NOVA1: variants seen among roughly 807,000 people sequenced by gnomAD.
The protein encoded by NOVA1 is NOVA alternative splicing regulator 1.
NOVA1 carries 7 observed loss-of-function variants against 38.0 expected under a neutral mutation model. The ratio of observed to expected loss-of-function variants is 0.18; its 90% confidence interval spans 0.10 to 0.35. NOVA1 has a LOEUF of 0.35. NOVA1 is among the 10% of genes least tolerant of loss of function. NOVA1 has a pLI of 1.00. For missense variants in NOVA1, 460 were observed against 616.0 expected (o/e 0.75, Z 2.68); for synonymous variants, 270 against 232.5 (o/e 1.16, Z -1.47).
intron 2 of NOVA1, among the ~76,000 whole-genome samples, chr14:26,513,285 G>T (rs1888226079): frequency 6.6e-6 from 1 of 151,748 alleles, no homozygotes. Flanking sequence ...TCAATTTATG[G>T]ATTTTCATTA....
chr14:26,504,364 G>A (rs1353145541), intron 2 of NOVA1, among the ~76,000 whole-genome samples: 2 of 152,132 alleles, frequency 1.3e-5, no homozygotes, highest in Non-Finnish European at 2.9e-5. Flanking sequence ...TGTAAATATA[G>A]AAACCTCAAT....
chr14:26,530,105 G>C (rs914601017), intron 2 of NOVA1, among the ~76,000 whole-genome samples: 12 of 152,186 alleles, frequency 7.9e-5, no homozygotes, highest in African/African-American at 2.2e-4. Context: ...ATTTTTAGCA[G>C]AGACGGGGTT....
intron 4 of NOVA1, among the ~76,000 whole-genome samples, chr14:26,452,779 T>C (rs1167287214): frequency 6.6e-6 from 1 of 152,240 alleles, no homozygotes; most frequent in Non-Finnish European, 1.5e-5. Context: ...GTTATGATTA[T>C]ATTTGCTAGC....
At chr14:26,450,380 A>AC (rs1882560391) in intron 4 of NOVA1, among the ~76,000 whole-genome samples, 1 of 93,500 alleles carries the variant, frequency 1.1e-5, no homozygotes, top group Non-Finnish European at 2.8e-5. Context: ...TTACACATAT[A>AC]ATACACACAC....
intron 2 of NOVA1, among the ~76,000 whole-genome samples, chr14:26,491,759 T>A (rs1886368809): frequency 6.6e-6 from 1 of 152,130 alleles, no homozygotes; most frequent in Non-Finnish European, 1.5e-5. Context: ...TTGGCTATAG[T>A]TATGTGGAAT....
chr14:26,498,318 G>A (rs549240469), intron 2 of NOVA1, among the ~76,000 whole-genome samples: 5 of 151,668 alleles, frequency 3.3e-5, no homozygotes, highest in East Asian at 1.9e-4. Context: ...CGCCCGCCTC[G>A]GCCTCCCAAA....
In NOVA1 at chr14:26,447,559, A is replaced by C. The variant is rs1369158020; in HGVS notation, c.*400T>G. On this transcript the variant is annotated 3_prime_UTR_variant, in exon 5 of 5. Transcript: ENST00000539517. ...CAGGACAGTGCTTTGGCCTCACTCC[A>C]TTTTAGGTCACTGACCCCACCATAC... 1 of 189,140 alleles carries C rather than the reference A, an allele frequency of 5.3e-6. No homozygotes were observed. The highest frequency in any genetic ancestry group is 2.3e-5 in the African/African-American group (1 of 42,584). 11.7% of individuals were successfully genotyped at this position (189,140 alleles called of 1,614,324 possible).
At chr14:26,578,242 G>A (rs1002364556) in intron 2 of NOVA1, among the ~76,000 whole-genome samples, 1 of 152,000 alleles carries the variant, frequency 6.6e-6, no homozygotes, top group East Asian at 1.9e-4. Flanking sequence ...AGCTTCAAAA[G>A]AGAAATGAAA....
chr14:26,478,796 A>G (rs1216233705), intron 3 of NOVA1, among the ~76,000 whole-genome samples: 1 of 151,980 alleles, frequency 6.6e-6, no homozygotes, highest in Non-Finnish European at 1.5e-5. Context: ...ACACTGACAA[A>G]GATTATAATA....
chr14:26,460,379 T>A (rs1276853548), intron 4 of NOVA1, among the ~76,000 whole-genome samples: 1 of 152,008 alleles, frequency 6.6e-6, no homozygotes, highest in African/African-American at 2.4e-5. Context: ...CAAAACTATA[T>A]TCTTTTCATA....
intron 2 of NOVA1, among the ~76,000 whole-genome samples, chr14:26,523,324 C>T (rs74042419): frequency 0.014 from 2,107 of 152,232 alleles, 40 homozygotes; most frequent in African/African-American, 0.046. Flanking sequence ...TATTTTAGTG[C>T]AGCTATAGTG....
rs188546751 is a variant in NOVA1, at chr14:26,484,359, C to A, written c.281-4216G>T. ...GCTGAGGCAGGAGAATGACGCGAAC[C>A]CGTGAGGCGGAGCTTGCAGTGAGCC... On this transcript the variant is annotated intron_variant, in intron 2 of 4. Coordinates refer to ENST00000539517, the MANE Select transcript of NOVA1 (RefSeq NM_002515.3). Among the ~76,000 whole-genome samples, 406 of 132,582 alleles carry A rather than the reference C, an allele frequency of 3.1e-3. 3 individuals are homozygous for A. The highest frequency in any genetic ancestry group is 0.01 in the African/African-American group (379 of 36,854). The allele number at this position is 132,582 out of a possible 152,430, so 87.0% of individuals were successfully genotyped here.
At chr14:26,451,615 C>T (rs968507085) in intron 4 of NOVA1, among the ~76,000 whole-genome samples, 5 of 152,064 alleles carry the variant, frequency 3.3e-5, no homozygotes, top group African/African-American at 4.8e-5. Context: ...TCAGGTGATC[C>T]GCCTGCCTCG....
chr14:26,581,448 T>A lies in NOVA1; in HGVS notation c.280+13962A>T, dbSNP rs550113654. 1.1e-4 allele frequency among the ~76,000 whole-genome samples: 16 copies of A among 152,112 alleles called. 1 individual carries two copies. The South Asian group carries it at 2.7e-3, about 26-fold the overall frequency. ...ACAGGGCCAAATGAAGGCAATTGAATCATTTCATGTAAACAATCTCAAAGT... is the reference window on the plus strand; with the variant it reads ...ACAGGGCCAAATGAAGGCAATTGAAACATTTCATGTAAACAATCTCAAAGT... On this transcript the variant is annotated intron_variant, in intron 2 of 4. Coordinates refer to ENST00000539517, the MANE Select transcript of NOVA1 (RefSeq NM_002515.3).
chr14:26,505,888 A>G (rs1363937049), intron 2 of NOVA1, among the ~76,000 whole-genome samples: 2 of 152,194 alleles, frequency 1.3e-5, no homozygotes, highest in African/African-American at 4.8e-5. Context: ...CAACCCATTT[A>G]GAAAAACAGG....
chr14:26,565,800 A>AT (rs1257530808), intron 2 of NOVA1, among the ~76,000 whole-genome samples: 4 of 152,290 alleles, frequency 2.6e-5, no homozygotes, highest in Non-Finnish European at 5.9e-5. Context: ...TTAATCCTTG[A>AT]TTAGTGCTGA....
chr14:26,511,269 T>TA (rs71121886), intron 2 of NOVA1, among the ~76,000 whole-genome samples: 93,625 of 151,800 alleles, frequency 0.62, 31,246 homozygotes, highest in Non-Finnish European at 0.73. Flanking sequence ...TTTTTTATAC[T>TA]AAAAAAAATT....
intron 4 of NOVA1, 71 bp from the exon 5 acceptor site, chr14:26,449,034 C>T (rs1425936197): frequency 7.4e-7 from 1 of 1,344,562 alleles, no homozygotes. Context: ...CTTTGCTATC[C>T]TAGAAAAGTA....
intron 4 of NOVA1, among the ~76,000 whole-genome samples, chr14:26,460,290 CATAA>C (rs1269388103): frequency 1.4e-5 from 2 of 147,738 alleles, no homozygotes; most frequent in Admixed American, 6.7e-5. Context: ...TAATACTTGA[CATAA>C]ATAACCATAT....
Sources: gnomAD v4.1 joint callset for allele counts (sites outside exome capture counted in the v4.1 genomes callset) on GRCh38, gnomAD v4.1.1 for gene constraint, MANE v1.5 for transcripts, NCBI Gene and HGNC (gene_info 2026-07-23, HGNC 2026-07-21) for gene names.